HMCN2: variants seen among roughly 807,000 people sequenced by gnomAD.
HMCN2 encodes the protein hemicentin 2.
In HMCN2, 325 loss-of-function variants were observed where a neutral mutation model predicts 377.5. That is an observed-to-expected ratio of 0.86 (90% CI 0.79 to 0.94). HMCN2 has a LOEUF of 0.94. Ranked by LOEUF, HMCN2 falls within the 40% of genes least tolerant of loss-of-function variation. The pLI is 0.00. For missense variants in HMCN2, 4,543 were observed against 4,725.3 expected, an observed-to-expected ratio of 0.96 and a Z score of 1.13; for synonymous variants, 2,007 against 2,046.8, an observed-to-expected ratio of 0.98 and a Z score of 0.53.
At chr9:130,410,451 C>T in intron 84 of HMCN2, 120 bp from the exon 85 acceptor site, 1 of 794,954 alleles carries the variant, frequency 1.3e-6, no homozygotes, top group Non-Finnish European at 2.1e-6. Context: ...TCAGGTGCCC[C>T]TGGCTGGTTC....
chr9:130,349,471 C>T, intron 28 of HMCN2, 66 bp from the exon 29 acceptor site: 2 of 1,277,022 alleles, frequency 1.6e-6, no homozygotes, highest in Non-Finnish European at 2.1e-6. Flanking sequence ...CAGACAAAGG[C>T]CCCGTGGTAG....
intron 7 of HMCN2, among the ~76,000 whole-genome samples, chr9:130,298,350 C>T (rs1261348715): frequency 6.6e-6 from 1 of 152,114 alleles, no homozygotes; most frequent in Non-Finnish European, 1.5e-5. Context: ...CACAGCAAGA[C>T]CCCATCTCTA....
intron 4 of HMCN2, among the ~76,000 whole-genome samples, chr9:130,293,667 G>A (rs1262894872): frequency 6.6e-6 from 1 of 152,108 alleles, no homozygotes; most frequent in African/African-American, 2.4e-5. Context: ...ATGTCCTACT[G>A]AACTCACACA....
intron 29 of HMCN2, among the ~76,000 whole-genome samples, chr9:130,350,189 C>T (rs1839625468): frequency 6.6e-6 from 1 of 151,220 alleles, no homozygotes; most frequent in Admixed American, 6.6e-5. Context: ...AGATTACAGG[C>T]ATGAGCCACC....
chr9:130,382,612 C>A, intron 55 of HMCN2, 67 bp from the exon 56 acceptor site: 1 of 653,934 alleles, frequency 1.5e-6, no homozygotes, highest in Non-Finnish European at 1.9e-6. Context: ...GCCACTCTCG[C>A]CTCCACGGCC....
chr9:130,404,992 C>T lies in HMCN2; in HGVS notation c.12272C>T (p.Pro4091Leu). The T allele has an allele frequency of 1.6e-6, 2 of 1,289,804 alleles. No homozygotes were observed. Among genetic ancestry groups the T allele is most frequent in the Non-Finnish European group, 2.0e-6 (2 of 988,828 alleles). The allele number at this position is 1,289,804 out of a possible 1,614,324, so 79.9% of individuals were successfully genotyped here. A position where few individuals can be genotyped will look rare whatever the true frequency, so the allele number is the denominator to read the frequency against. ...PNITWDKDGQ[P>L]VSGAEGKFTI... ...ATCACCTGGGACAAAGATGGCCAGC[C>T]TGTGTCGGGCGCCGAGGGGAAGTTC... Residue 4091 changes from proline to leucine, a missense_variant, in exon 81 of 98, where the codon CCT becomes CTT. Coordinates refer to ENST00000683500, the MANE Select transcript of HMCN2 (RefSeq NM_001291815.2).
intron 1 of HMCN2, among the ~76,000 whole-genome samples, chr9:130,277,889 T>TCAC (rs1834830589): frequency 4.1e-5 from 1 of 24,260 alleles, no homozygotes; most frequent in African/African-American, 1.9e-4. Flanking sequence ...ACCATCATCA[T>TCAC]CACCACCACC....
chr9:130,364,932 C>G, intron 41 of HMCN2, 43 bp downstream of exon 41: 1 of 982,074 alleles, frequency 1.0e-6, no homozygotes, highest in Non-Finnish European at 1.2e-6. Flanking sequence ...CCACCTCGGC[C>G]CAAGGGCAGG....
At chr9:130,289,908 C>T (rs1292962894) in intron 4 of HMCN2, among the ~76,000 whole-genome samples, 1 of 152,190 alleles carries the variant, frequency 6.6e-6, no homozygotes, top group Non-Finnish European at 1.5e-5. Flanking sequence ...CCTCGGGGGC[C>T]CATTCGCCCC....
chr9:130,357,190 G>GGGGA (rs1554953735), intron 34 of HMCN2, among the ~76,000 whole-genome samples: 4 of 138,148 alleles, frequency 2.9e-5, no homozygotes, highest in African/African-American at 1.1e-4. Context: ...GGATGGATGG[G>GGGGA]TGGATGGATG....
Position 130,428,221 on chromosome 9 carries a change from G to T in HMCN2, c.14066-137G>T, listed in dbSNP as rs147050840. 1.0e-3 allele frequency: 1,029 copies of T among 999,974 alleles called. 3 individuals carry two copies. The highest frequency in any genetic ancestry group is 7.4e-3 in the African/African-American group (456 of 61,238). The allele number at this position is 999,974 out of a possible 1,614,324, so 61.9% of individuals were successfully genotyped here. The stretch of plus-strand genomic sequence containing the variant: ...AGCAAGACAATGGAAAGAGCTAGCA[G>T]AAGGGGTGGGGACCTTCCTGCCAGT... On this transcript the variant is annotated intron_variant, in intron 92 of 97. Transcript: ENST00000683500. The surrounding 1 kb of genome is among the most constrained non-coding windows in gnomAD (Gnocchi z 5.0).
rs782591600 is a variant in HMCN2 at position 130,296,803 on chromosome 9, C to T, written c.1012+9C>T. The T allele has an allele frequency of 2.1e-6, 1 of 471,074 alleles. No individual in the cohort carries two copies. Among genetic ancestry groups the T allele is most frequent in the East Asian group, 7.0e-5 (1 of 14,388 alleles). The allele number at this position is 471,074 out of a possible 1,614,324, so 29.2% of individuals were successfully genotyped here. ...CGAGTGGCCCTTGCAAGGTACAGTA[C>T]CCCGACCCTACAGACAGTGCTGAGC... On this transcript the variant is annotated intron_variant, in intron 7 of 97. Transcript: ENST00000683500.
intron 14 of HMCN2, 25 bp downstream of exon 14, chr9:130,307,591 A>C (rs782218624): frequency 2.1e-6 from 1 of 471,020 alleles, no homozygotes; most frequent in South Asian, 1.5e-5. Context: ...AGGGGCCCTG[A>C]AGGAACAGCT....
intron 75 of HMCN2, among the ~76,000 whole-genome samples, chr9:130,399,166 T>G (rs1436935393): frequency 1.4e-5 from 2 of 144,932 alleles, no homozygotes; most frequent in Non-Finnish European, 3.0e-5. Context: ...GATGGGAGGA[T>G]CCCCTGAGCC....
chr9:130,383,541 T>C lies in HMCN2; in HGVS notation c.8771T>C (p.Met2924Thr). Residue 2924 changes from methionine to threonine, a missense_variant, in exon 57 of 98, where the codon ATG (methionine) becomes ACG (threonine). Met to Thr is a moderately conservative substitution (Grantham distance 81). Transcript: ENST00000683500. ...TAEVADAASY[M>T]CVAENQAGSA... ...GAGGTGGCCGACGCCGCCAGCTACATGTGTGTGGCCGAGAACCAGGCGGGC... is the reference window on the plus strand; with the variant it reads ...GAGGTGGCCGACGCCGCCAGCTACACGTGTGTGGCCGAGAACCAGGCGGGC... 4 of 986,064 alleles carry C rather than the reference T, an allele frequency of 4.1e-6. No individual in the cohort carries two copies. The South Asian group carries it at 1.9e-4, about 46-fold the overall frequency. The allele number at this position is 986,064 out of a possible 1,614,324, so 61.1% of individuals were successfully genotyped here.
chr9:130,311,942 G>A (rs1442951520), intron 15 of HMCN2, among the ~76,000 whole-genome samples: 1 of 152,166 alleles, frequency 6.6e-6, no homozygotes, highest in Non-Finnish European at 1.5e-5. Context: ...ATGGGCTCAG[G>A]AGCCTGATAA....
chr9:130,356,323 G>A, intron 34 of HMCN2, 66 bp downstream of exon 34: 3 of 1,230,016 alleles, frequency 2.4e-6, no homozygotes, highest in Non-Finnish European at 3.1e-6. Flanking sequence ...GTGGAGCCTG[G>A]GCTGTGGCAG....
chr9:130,402,000 G>A (rs1484934826), intron 77 of HMCN2, among the ~76,000 whole-genome samples: 1 of 152,100 alleles, frequency 6.6e-6, no homozygotes, highest in Non-Finnish European at 1.5e-5. Flanking sequence ...TTGCTTGAGT[G>A]TAGGAGTTCA....
intron 8 of HMCN2, among the ~76,000 whole-genome samples, chr9:130,302,077 T>G (rs1184465331): frequency 2.8e-5 from 4 of 141,046 alleles, no homozygotes; most frequent in Admixed American, 7.3e-5. Context: ...AGTCTTGCTC[T>G]GTAGCCCAGG....
Sources: allele counts gnomAD v4.1 joint callset (sites outside exome capture counted in the v4.1 genomes callset), GRCh38; gene constraint gnomAD v4.1.1; non-coding constraint Gnocchi (gnomAD v3.1); transcripts MANE v1.5; gene names NCBI Gene and HGNC (gene_info 2026-07-23, HGNC 2026-07-21).